Variants in AGTPBP1 observed in about 807,000 individuals in gnomAD.
AGTPBP1 encodes ATP/GTP binding carboxypeptidase 1, also known as cytosolic carboxypeptidase 1.
In AGTPBP1, 70 loss-of-function variants were observed where a neutral mutation model predicts 143.9. The observed-to-expected ratio is 0.49, with a 90% CI of 0.40 to 0.59. AGTPBP1 has a LOEUF of 0.59. Among genes scored for constraint, AGTPBP1 ranks in the 20% least tolerant of loss-of-function variants. The pLI is 0.00. For synonymous variants in AGTPBP1, 463 were observed against 500.2 expected (o/e 0.93, Z 0.99); for missense variants, 1,229 against 1,464.5 (o/e 0.84, Z 2.62).
chr9:85,673,119 T>C (rs1475262370), intron 6 of AGTPBP1, among the ~76,000 whole-genome samples: 1 of 152,184 alleles, frequency 6.6e-6, no homozygotes, highest in Non-Finnish European at 1.5e-5. Flanking sequence ...TTTTATGAAA[T>C]ATAAAGTTGG....
chr9:85,587,043 T>C (rs1828658991), intron 21 of AGTPBP1, 83 bp from the exon 22 acceptor site: 1 of 1,523,970 alleles, frequency 6.6e-7, no homozygotes, highest in African/African-American at 1.4e-5. Flanking sequence ...TATATACATA[T>C]CTGATTTAAC....
At chr9:85,709,848 T>C (rs1477416118) in intron 2 of AGTPBP1, among the ~76,000 whole-genome samples, 2 of 151,818 alleles carry the variant, frequency 1.3e-5, no homozygotes, top group African/African-American at 4.8e-5. Context: ...AAATTTCTAC[T>C]TCTTAATATT....
intron 14 of AGTPBP1, among the ~76,000 whole-genome samples, chr9:85,631,560 C>T (rs905756945): frequency 7.2e-5 from 11 of 152,116 alleles, no homozygotes; most frequent in South Asian, 2.1e-4. Context: ...CTATGATGTA[C>T]GGGATGACAC....
At chr9:85,746,994 C>G (rs868717989), upstream of AGTPBP1, among the ~76,000 whole-genome samples, 44 of 152,178 alleles carry the variant, frequency 2.9e-4, no homozygotes, top group African/African-American at 1.0e-3. Context: ...GCTGGGACGA[C>G]AGACGCATAC....
intron 1 of AGTPBP1, among the ~76,000 whole-genome samples, chr9:85,720,545 T>A (rs1434220581): frequency 1.3e-5 from 2 of 152,206 alleles, no homozygotes; most frequent in African/African-American, 4.8e-5. Flanking sequence ...ATTTGATTCT[T>A]CTCTCATTTC....
At chr9:85,768,447 C>T in the AGTPBP1 span, among the ~76,000 whole-genome samples, 2 of 152,008 alleles carry the variant, frequency 1.3e-5, no homozygotes, top group Admixed American at 6.5e-5. Context: ...AACATAGTTG[C>T]TTTTGTTACA....
chr9:85,719,925 G>C (rs1439811979), intron 1 of AGTPBP1, among the ~76,000 whole-genome samples: 1 of 152,160 alleles, frequency 6.6e-6, no homozygotes, highest in East Asian at 1.9e-4. Context: ...TAATCATGTG[G>C]TTTTTGTCAT....
intron 24 of AGTPBP1, among the ~76,000 whole-genome samples, chr9:85,577,981 T>C (rs1415659205): frequency 6.6e-6 from 1 of 152,172 alleles, no homozygotes; most frequent in Non-Finnish European, 1.5e-5. Flanking sequence ...TAAAAATCAT[T>C]CTCAGATTCA....
chr9:85,758,622 C>T, the AGTPBP1 span, among the ~76,000 whole-genome samples: 55 of 151,754 alleles, frequency 3.6e-4, no homozygotes, highest in African/African-American at 1.3e-3. Flanking sequence ...CCAGTCTGGG[C>T]GACAAGAGCA....
At chr9:85,630,985 G>A (rs894770872) in intron 14 of AGTPBP1, among the ~76,000 whole-genome samples, 8 of 152,192 alleles carry the variant, frequency 5.3e-5, no homozygotes, top group African/African-American at 1.9e-4. Context: ...GATTGCCTAT[G>A]TTCCACACAT....
At chr9:85,579,605 CGAGGGGGGG>C (rs1828118499) in intron 23 of AGTPBP1, among the ~76,000 whole-genome samples, 1 of 141,302 alleles carries the variant, frequency 7.1e-6, no homozygotes, top group Non-Finnish European at 1.5e-5. Flanking sequence ...GTGTGTGGGG[CGAGGGGGGG>C]GGTGTAAGGC....
Position 85,576,297 on chromosome 9 carries a change from A to G in AGTPBP1, c.3343-822T>C, listed in dbSNP as rs1294290687. Reference sequence around the variant, plus strand: ...GTTGTAGGTGTAGATTACAGCTGATATCAATTCAAGAGAAAGTATTTTAAA... The same window carrying G: ...GTTGTAGGTGTAGATTACAGCTGATGTCAATTCAAGAGAAAGTATTTTAAA... On this transcript the variant is annotated intron_variant, in intron 24 of 25. Transcript: ENST00000357081. Among the ~76,000 whole-genome samples, 4 of 152,162 alleles carry G rather than the reference A, an allele frequency of 2.6e-5. No individual in the cohort carries two copies. In the East Asian group the frequency reaches 5.8e-4, roughly 22 times the overall value.
At chr9:85,552,054 T>C (rs1826067858) in intron 25 of AGTPBP1, among the ~76,000 whole-genome samples, 1 of 152,202 alleles carries the variant, frequency 6.6e-6, no homozygotes, top group Non-Finnish European at 1.5e-5. Context: ...CCTTAACATC[T>C]ATCCTTCTAC....
chr9:85,770,384 G>C, the AGTPBP1 span: 4 of 1,605,108 alleles, frequency 2.5e-6, no homozygotes, highest in Admixed American at 3.3e-5. Context: ...AAGTCACTTA[G>C]AGCATCATTC....
intron 17 of AGTPBP1, among the ~76,000 whole-genome samples, chr9:85,617,475 C>A (rs185404491): frequency 5.9e-5 from 9 of 152,210 alleles, no homozygotes; most frequent in Admixed American, 5.9e-4. Flanking sequence ...TAAGTTCATA[C>A]AAGTATGTCA....
chr9:85,770,260 A>G, the AGTPBP1 span: 30 of 1,431,750 alleles, frequency 2.1e-5, no homozygotes, highest in Non-Finnish European at 2.6e-5. Flanking sequence ...TTCATTTAAA[A>G]TGAGTGATTT....
intron 2 of AGTPBP1, among the ~76,000 whole-genome samples, chr9:85,706,125 C>T (rs888862017): frequency 2.7e-5 from 4 of 150,362 alleles, no homozygotes; most frequent in African/African-American, 9.8e-5. Flanking sequence ...AGGAGCTACG[C>T]CAACGAGAAG....
chr9:85,739,331 G>A (rs1333659965), intron 1 of AGTPBP1, among the ~76,000 whole-genome samples: 3 of 152,146 alleles, frequency 2.0e-5, no homozygotes, highest in Non-Finnish European at 2.9e-5. Context: ...TGCTATTCAC[G>A]CACTGTTCAA....
intron 8 of AGTPBP1, among the ~76,000 whole-genome samples, chr9:85,666,125 T>C (rs1189394367): frequency 6.6e-6 from 1 of 152,082 alleles, no homozygotes; most frequent in Non-Finnish European, 1.5e-5. Context: ...GGCTTAGATT[T>C]AGGAGATGTG....
Sources: gnomAD v4.1 joint callset for allele counts (sites outside exome capture counted in the v4.1 genomes callset) on GRCh38, gnomAD v4.1.1 for gene constraint, MANE v1.5 for transcripts, NCBI Gene and HGNC (gene_info 2026-07-23, HGNC 2026-07-21) for gene names.